TRPM3: variants seen among roughly 807,000 people sequenced by gnomAD.
TRPM3 encodes the protein transient receptor potential cation channel subfamily M member 3.
Under a neutral mutation model 181.2 loss-of-function variants are expected in TRPM3, and 77 were observed. The observed-to-expected ratio is 0.42, with a 90% CI of 0.35 to 0.51. The LOEUF (loss-of-function observed/expected upper bound fraction) is 0.51. Among genes scored for constraint, TRPM3 ranks in the 20% least tolerant of loss-of-function variants. The pLI is 0.01. For synonymous variants in TRPM3, 745 were observed against 796.4 expected (o/e 0.94, Z 1.09); for missense variants, 1,759 against 2,196.7 (o/e 0.80, Z 3.98).
intron 7 of TRPM3, among the ~76,000 whole-genome samples, chr9:70,766,243 A>G (rs2079096115): frequency 6.6e-6 from 1 of 152,192 alleles, no homozygotes; most frequent in Admixed American, 6.5e-5. Context: ...ACAGTTTGCT[A>G]TTAGTATTCT....
At chr9:70,993,984 G>T (rs1303836627) in intron 1 of TRPM3, among the ~76,000 whole-genome samples, 1 of 152,100 alleles carries the variant, frequency 6.6e-6, no homozygotes, top group African/African-American at 2.4e-5. Flanking sequence ...TACTGTGATT[G>T]TTGCACTGAG....
intron 6 of TRPM3, among the ~76,000 whole-genome samples, chr9:70,812,721 T>C (rs146023666): frequency 1.3e-5 from 2 of 152,308 alleles, no homozygotes; most frequent in African/African-American, 4.8e-5. Flanking sequence ...GGCTTAGCTA[T>C]GTCTTTCCTG....
At chr9:71,194,258 C>T (rs899494688) in intron 1 of TRPM3, among the ~76,000 whole-genome samples, 24 of 151,882 alleles carry the variant, frequency 1.6e-4, no homozygotes, top group African/African-American at 5.1e-4. Context: ...TGTGTTCATA[C>T]GTGGGAGGAA....
upstream of TRPM3, among the ~76,000 whole-genome samples, chr9:71,123,711 G>A (rs192368618): frequency 1.1e-4 from 16 of 152,326 alleles, no homozygotes; most frequent in East Asian, 1.2e-3. Context: ...CAAGGGCAGC[G>A]TGGTTTTCCT....
intron 1 of TRPM3, among the ~76,000 whole-genome samples, chr9:71,140,932 C>G (rs1031943907): frequency 2.6e-5 from 4 of 152,090 alleles, no homozygotes; most frequent in African/African-American, 9.7e-5. Context: ...CATTCCTGAG[C>G]CGGACTCTAT....
At chr9:71,346,438 C>G (rs114049431) in intron 1 of TRPM3, among the ~76,000 whole-genome samples, 332 of 152,234 alleles carry the variant, frequency 2.2e-3, no homozygotes, top group African/African-American at 7.6e-3. Context: ...TAAAATAATG[C>G]AAGTACAAAA....
chr9:71,049,524 A>T (rs2059829634), intron 1 of TRPM3, among the ~76,000 whole-genome samples: 1 of 152,180 alleles, frequency 6.6e-6, no homozygotes, highest in African/African-American at 2.4e-5. Flanking sequence ...TACTTAAACC[A>T]AATTAACCAA....
intron 1 of TRPM3, among the ~76,000 whole-genome samples, chr9:71,418,118 TAGTC>T (rs1265000982): frequency 6.6e-6 from 1 of 151,874 alleles, no homozygotes; most frequent in Non-Finnish European, 1.5e-5. Context: ...ATAATAATAA[TAGTC>T]AGCAGCATGA....
At position 70,598,509 on chromosome 9, in the gene TRPM3, G is replaced by A. The variant is rs905664494; in HGVS notation, c.2958C>T (p.Cys986=). 7 of 1,614,058 alleles carry A rather than the reference G, an allele frequency of 4.3e-6. No homozygotes were observed. The highest frequency in any genetic ancestry group is 2.7e-5 in the African/African-American group (2 of 74,908). Residue 986 remains cysteine, a synonymous_variant, in exon 21 of 26, where the codon TGC becomes TGT. Coordinates refer to ENST00000677713, the MANE Select transcript of TRPM3 (RefSeq NM_001366145.2). ...GGATATACCAGTAAATGATGTTCAC[G>A]CAGTAGATGACCCTCCCGTCACTCC... The part of the protein sequence containing the change: ...PFRSDGRVIY[C]VNIIYWYIRL...
intron 22 of TRPM3, among the ~76,000 whole-genome samples, chr9:70,563,171 C>T (rs181642414): frequency 6.6e-6 from 1 of 152,292 alleles, no homozygotes; most frequent in East Asian, 1.9e-4. Flanking sequence ...GAGAATGAAA[C>T]ACAGGGAACC....
intron 8 of TRPM3, among the ~76,000 whole-genome samples, chr9:70,752,949 A>G (rs2076443607): frequency 6.6e-6 from 1 of 152,048 alleles, no homozygotes; most frequent in South Asian, 2.1e-4. Flanking sequence ...ATCTCTACTA[A>G]AAGTACAAAA....
intron 20 of TRPM3, among the ~76,000 whole-genome samples, chr9:70,599,049 C>G (rs941715640): frequency 1.4e-4 from 22 of 152,160 alleles, no homozygotes; most frequent in Non-Finnish European, 2.8e-4. Flanking sequence ...CTCCATTTTT[C>G]TCTTTCACAT....
At chr9:70,998,927 T>C (rs1381766712) in intron 1 of TRPM3, among the ~76,000 whole-genome samples, 2 of 152,208 alleles carry the variant, frequency 1.3e-5, no homozygotes, top group African/African-American at 4.8e-5. Flanking sequence ...TTTCCATAAT[T>C]TGTGCTGCAT....
At chr9:71,386,701 C>A (rs1288185067) in intron 1 of TRPM3, among the ~76,000 whole-genome samples, 1 of 152,000 alleles carries the variant, frequency 6.6e-6, no homozygotes, top group Non-Finnish European at 1.5e-5. Context: ...TAACACTAAA[C>A]CAGTTATTAT....
intron 1 of TRPM3, among the ~76,000 whole-genome samples, chr9:70,877,804 A>AACACACACACACACACACAC (rs5898169): frequency 0.024 from 3,449 of 146,124 alleles, 72 homozygotes; most frequent in Non-Finnish European, 0.031. Context: ...AAAATCATAA[A>AACACACACACACACACACAC]ACACACACAC....
intron 1 of TRPM3, among the ~76,000 whole-genome samples, chr9:71,421,520 A>G (rs1461667244): frequency 1.3e-5 from 2 of 151,946 alleles, no homozygotes; most frequent in Admixed American, 1.3e-4. Flanking sequence ...CAGCCTGCAG[A>G]CATCATCAGA....
intron 8 of TRPM3, among the ~76,000 whole-genome samples, chr9:70,745,545 A>G (rs553131876): frequency 6.6e-6 from 1 of 152,340 alleles, no homozygotes; most frequent in African/African-American, 2.4e-5. Context: ...GGTACAATTC[A>G]GTATCTATCT....
intron 1 of TRPM3, among the ~76,000 whole-genome samples, chr9:71,065,937 C>A (rs191542017): frequency 7.4e-4 from 113 of 152,144 alleles, no homozygotes; most frequent in Non-Finnish European, 1.3e-3. Context: ...GAGAAGAGAT[C>A]AAAAATCCAA....
chr9:71,177,279 A>T (rs939449208), intron 1 of TRPM3, among the ~76,000 whole-genome samples: 1 of 152,072 alleles, frequency 6.6e-6, no homozygotes, highest in African/African-American at 2.4e-5. Context: ...AATTATTTCA[A>T]TATATATTAC....
Sources: gnomAD v4.1 joint callset for allele counts (sites outside exome capture counted in the v4.1 genomes callset) on GRCh38, gnomAD v4.1.1 for gene constraint, MANE v1.5 for transcripts, NCBI Gene and HGNC (gene_info 2026-07-23, HGNC 2026-07-21) for gene names.